Variants in RFTN1 observed in about 807,000 individuals in gnomAD.
The protein encoded by RFTN1 is raftlin.
A neutral mutation model predicts 46.5 loss-of-function variants in RFTN1; 26 were observed. That is an observed-to-expected ratio of 0.56 (90% CI 0.41 to 0.78). The LOEUF (loss-of-function observed/expected upper bound fraction) is 0.78, where lower values mean the gene tolerates loss of function less well. RFTN1 is among the 30% of genes least tolerant of loss of function. The probability of loss-of-function intolerance (pLI) is 0.00; values close to 1 mark genes in which losing one functional copy is unlikely to be tolerated. For synonymous variants in RFTN1, 261 were observed against 284.2 expected (o/e 0.92, Z 0.82); for missense variants, 693 against 718.7 (o/e 0.96, Z 0.41).
intron 6 of RFTN1, among the ~76,000 whole-genome samples, chr3:16,368,733 C>G (rs1231408397): frequency 2.6e-5 from 4 of 151,862 alleles, no homozygotes; most frequent in African/African-American, 9.7e-5. Flanking sequence ...ACACACTGAC[C>G]AGTGACACTA....
intron 4 of RFTN1, among the ~76,000 whole-genome samples, chr3:16,393,662 T>TA (rs2074401692): frequency 1.5e-5 from 2 of 134,832 alleles, no homozygotes; most frequent in African/African-American, 7.1e-5. Context: ...TTTTTTTTTT[T>TA]AATTTTTTTT....
intron 7 of RFTN1, among the ~76,000 whole-genome samples, chr3:16,355,975 A>T (rs148457541): frequency 1.5e-3 from 232 of 152,344 alleles, no homozygotes; most frequent in Middle Eastern, 6.8e-3. Flanking sequence ...CGGCACAGGC[A>T]CATGTTTTGG....
chr3:16,482,243 C>T (rs2076378052), intron 2 of RFTN1, among the ~76,000 whole-genome samples: 2 of 152,096 alleles, frequency 1.3e-5, no homozygotes, highest in African/African-American at 2.4e-5. Context: ...ATTTGTCAGG[C>T]TCCCTATTTG....
chr3:16,362,159 C>T (rs563451081), intron 6 of RFTN1, among the ~76,000 whole-genome samples: 3 of 152,314 alleles, frequency 2.0e-5, no homozygotes, highest in African/African-American at 4.8e-5. Context: ...GTAATAAGCA[C>T]AGCAGCCTTA....
At chr3:16,399,929 C>T (rs758667076) in intron 4 of RFTN1, among the ~76,000 whole-genome samples, 7 of 152,178 alleles carry the variant, frequency 4.6e-5, no homozygotes, top group Admixed American at 1.3e-4. Context: ...TCTGTCAAGA[C>T]GCTCCACCTA....
chr3:16,487,376 A>C (rs2076465227), intron 2 of RFTN1, among the ~76,000 whole-genome samples: 1 of 152,240 alleles, frequency 6.6e-6, no homozygotes, highest in Non-Finnish European at 1.5e-5. Context: ...TTCTGACCTG[A>C]AACCGAATTT....
chr3:16,487,245 T>C (rs538579050), intron 2 of RFTN1, among the ~76,000 whole-genome samples: 1 of 152,368 alleles, frequency 6.6e-6, no homozygotes, highest in Admixed American at 6.5e-5. Context: ...ACATGGCATC[T>C]GGCCCAAGGT....
rs2076414950 is a variant in RFTN1, at chr3:16,484,378, T to C, written c.145+9347A>G. 1.3e-5 allele frequency among the ~76,000 whole-genome samples: 2 copies of C among 152,212 alleles called. No individual in the cohort carries two copies. Among genetic ancestry groups the C allele is most frequent in the Non-Finnish European group, 2.9e-5 (2 of 68,028 alleles). ...GTCTTGAATAAGGAATGTCATCCTG[T>C]TATTATCATGACCACCCAAAATTTA... On this transcript the variant is annotated intron_variant, in intron 2 of 9. Transcript: ENST00000334133. The surrounding 1 kb of genome is among the most constrained non-coding windows in gnomAD (Gnocchi z 4.6).
intron 2 of RFTN1, among the ~76,000 whole-genome samples, chr3:16,435,911 G>GACATAAATAT (rs1477304184): frequency 4.4e-5 from 4 of 90,826 alleles, no homozygotes; most frequent in African/African-American, 2.0e-4. Flanking sequence ...AAAAATCAGA[G>GACATAAATAT]ATGTAAATAT....
intron 3 of RFTN1, among the ~76,000 whole-genome samples, chr3:16,430,169 A>G (rs985707940): frequency 2.0e-5 from 3 of 152,148 alleles, no homozygotes; most frequent in Non-Finnish European, 2.9e-5. Context: ...CTGAAGTGCA[A>G]TAACACAGTC....
At chr3:16,324,757 C>G (rs2069527062) in intron 8 of RFTN1, among the ~76,000 whole-genome samples, 1 of 149,380 alleles carries the variant, frequency 6.7e-6, no homozygotes, top group Non-Finnish European at 1.5e-5. Context: ...CATTTCTTAG[C>G]TGTTGTGAAT....
intron 6 of RFTN1, among the ~76,000 whole-genome samples, chr3:16,362,920 G>A (rs2072921310): frequency 6.6e-6 from 1 of 152,256 alleles, no homozygotes; most frequent in African/African-American, 2.4e-5. Flanking sequence ...CACAGGCCTG[G>A]GAAGGGGGCT....
At chr3:16,455,564 A>C (rs1200258530) in intron 2 of RFTN1, among the ~76,000 whole-genome samples, 1 of 152,190 alleles carries the variant, frequency 6.6e-6, no homozygotes, top group Non-Finnish European at 1.5e-5. Context: ...CATTCTGCCC[A>C]CAAGTTTTGT....
intron 1 of RFTN1, among the ~76,000 whole-genome samples, chr3:16,501,161 A>G (rs1027864899): frequency 2.6e-5 from 4 of 152,234 alleles, no homozygotes; most frequent in African/African-American, 7.2e-5. Context: ...ACGCACACAC[A>G]CACAAACACA....
Position 16,443,945 on chromosome 3 carries a change from C to CT in RFTN1, c.146-9909dup, listed in dbSNP as rs1320190618. Among the ~76,000 whole-genome samples, 1 of 152,114 alleles carries CT rather than the reference C, an allele frequency of 6.6e-6. No homozygotes were observed. Among genetic ancestry groups the CT allele is most frequent in the Non-Finnish European group, 1.5e-5 (1 of 68,014 alleles). ...CACAGGCTAAGATACATCAAGAAGC[C>CT]TTTTTAAGAAACACCAGGTCCCCTG... On this transcript the variant is annotated intron_variant, in intron 2 of 9. Transcript: ENST00000334133. This position sits in a 1 kb window ranked among gnomAD's most constrained non-coding sequence, Gnocchi z 5.5.
At chr3:16,325,953 G>A (rs766319617) in intron 8 of RFTN1, among the ~76,000 whole-genome samples, 5 of 152,254 alleles carry the variant, frequency 3.3e-5, no homozygotes, top group African/African-American at 4.8e-5. Context: ...GAGACGGCCT[G>A]CTCCAGGAAA....
intron 8 of RFTN1, among the ~76,000 whole-genome samples, chr3:16,324,646 T>TTTGTG (rs1491457510): frequency 9.0e-5 from 9 of 100,474 alleles, no homozygotes; most frequent in South Asian, 3.7e-4. Flanking sequence ...TAGTATTCCA[T>TTTGTG]TGTGTGTGTG....
Position 16,460,195 on chromosome 3 carries a change from C to A in RFTN1, c.146-26158G>T, listed in dbSNP as rs1354251493. On this transcript the variant is annotated intron_variant, in intron 2 of 9. Coordinates refer to ENST00000334133, the MANE Select transcript of RFTN1 (RefSeq NM_015150.2). This position sits in a 1 kb window ranked among gnomAD's most constrained non-coding sequence, Gnocchi z 4.8. ...GCAAAACACAGAAGTGTCTCAATTT[C>A]TCTTTTTCCACCGTGATTTTTATCT... is the stretch of plus-strand genomic sequence containing the variant. Among the ~76,000 whole-genome samples the A allele has an allele frequency of 6.6e-6, 1 of 152,122 alleles. No homozygotes were observed. The highest frequency in any genetic ancestry group is 1.5e-5 in the Non-Finnish European group (1 of 68,000).
intron 2 of RFTN1, among the ~76,000 whole-genome samples, chr3:16,454,170 A>G (rs1575316491): frequency 6.6e-6 from 1 of 152,328 alleles, no homozygotes; most frequent in Middle Eastern, 3.4e-3. Flanking sequence ...ATAGATTTTA[A>G]TAGTTTCTAT....
Sources: gnomAD v4.1 joint callset for allele counts (sites outside exome capture counted in the v4.1 genomes callset) on GRCh38, gnomAD v4.1.1 for gene constraint, Gnocchi (gnomAD v3.1) non-coding constraint, MANE v1.5 for transcripts, NCBI Gene and HGNC (gene_info 2026-07-23, HGNC 2026-07-21) for gene names.